RBMS3: variants seen among roughly 807,000 people sequenced by gnomAD.
The protein encoded by RBMS3 is RNA binding motif single stranded interacting protein 3, also known as RNA-binding motif, single-stranded-interacting protein 3.
A neutral mutation model predicts 66.8 loss-of-function variants in RBMS3; 27 were observed. The ratio of observed to expected loss-of-function variants is 0.40; its 90% CI spans 0.30 to 0.56. The LOEUF (loss-of-function observed/expected upper bound fraction) is 0.56, where lower values mean the gene tolerates loss of function less well. Among genes scored for constraint, RBMS3 ranks in the 20% least tolerant of loss-of-function variants. The pLI is 0.40. For missense variants in RBMS3, 513 were observed against 549.5 expected (o/e 0.93, Z 0.66); for synonymous variants, 188 against 183.0 (o/e 1.03, Z -0.22).
At chr3:29,803,537 A>G (rs1389155995) in intron 6 of RBMS3, among the ~76,000 whole-genome samples, 1 of 152,136 alleles carries the variant, frequency 6.6e-6, no homozygotes. Context: ...ACCTTAATAT[A>G]GTCACAGTTT....
At chr3:29,493,857 G>C (rs1392346822) in intron 3 of RBMS3, among the ~76,000 whole-genome samples, 1 of 152,050 alleles carries the variant, frequency 6.6e-6, no homozygotes, top group African/African-American at 2.4e-5. Context: ...GCTTTATTTA[G>C]GAAAGAAATT....
intron 1 of RBMS3, among the ~76,000 whole-genome samples, chr3:29,299,232 G>A (rs944278720): frequency 8.6e-5 from 13 of 151,966 alleles, no homozygotes; most frequent in East Asian, 2.0e-4. Context: ...ATACAGGCAC[G>A]AGATTGGAAT....
At chr3:29,912,412 T>C (rs1254764427) in intron 10 of RBMS3, among the ~76,000 whole-genome samples, 1 of 152,116 alleles carries the variant, frequency 6.6e-6, no homozygotes, top group Non-Finnish European at 1.5e-5. Context: ...ATGCTAATAT[T>C]AAATTTGTCT....
chr3:29,572,449 C>T (rs958478021), intron 3 of RBMS3, among the ~76,000 whole-genome samples: 1 of 152,078 alleles, frequency 6.6e-6, no homozygotes, highest in East Asian at 1.9e-4. Context: ...CTGTCTATAC[C>T]TAGTTTTTTG....
intron 6 of RBMS3, among the ~76,000 whole-genome samples, chr3:29,773,636 C>T (rs529857518): frequency 7.2e-4 from 109 of 150,634 alleles, no homozygotes; most frequent in Admixed American, 2.1e-3. Context: ...GGAGTGTTTG[C>T]CCGTGGCCAT....
intron 6 of RBMS3, among the ~76,000 whole-genome samples, chr3:29,859,701 G>A (rs1453996101): frequency 6.6e-6 from 1 of 152,176 alleles, no homozygotes; most frequent in Middle Eastern, 3.2e-3. Flanking sequence ...AGGATGCTAA[G>A]AGTCAAAAGA....
intron 1 of RBMS3, among the ~76,000 whole-genome samples, chr3:29,324,897 TA>T (rs1029403073): frequency 3.3e-5 from 5 of 152,114 alleles, no homozygotes; most frequent in Non-Finnish European, 5.9e-5. Context: ...TCCCCACTGT[TA>T]TTTTTTTTTC....
At chr3:29,432,452 G>A (rs796848651) in intron 1 of RBMS3, among the ~76,000 whole-genome samples, 6 of 152,328 alleles carry the variant, frequency 3.9e-5, no homozygotes, top group African/African-American at 1.4e-4. Flanking sequence ...CCTGGAAGGT[G>A]TAAAACAGAT....
At chr3:29,389,317 T>A (rs2039172119) in intron 1 of RBMS3, among the ~76,000 whole-genome samples, 1 of 152,194 alleles carries the variant, frequency 6.6e-6, no homozygotes, top group Non-Finnish European at 1.5e-5. Context: ...AAGGTAAGTT[T>A]ATAAACTTAA....
chr3:29,713,601 C>T (rs2053262803), intron 4 of RBMS3, among the ~76,000 whole-genome samples: 2 of 152,098 alleles, frequency 1.3e-5, no homozygotes, highest in Admixed American at 1.3e-4. Flanking sequence ...TTCTCTAGTC[C>T]TGCCTCTCCA....
intron 12 of RBMS3, among the ~76,000 whole-genome samples, chr3:29,980,011 A>C (rs1697874987): frequency 6.6e-6 from 1 of 152,208 alleles, no homozygotes. Context: ...GAATTGCCAC[A>C]CTGTCTTCCG....
At chr3:29,509,760 GT>G (rs1291842286) in intron 3 of RBMS3, among the ~76,000 whole-genome samples, 1 of 152,194 alleles carries the variant, frequency 6.6e-6, no homozygotes, top group Non-Finnish European at 1.5e-5. Flanking sequence ...TGTATAATCA[GT>G]GATTTTTCTT....
At chr3:29,306,936 A>G (rs1400330210) in intron 1 of RBMS3, among the ~76,000 whole-genome samples, 1 of 151,926 alleles carries the variant, frequency 6.6e-6, no homozygotes, top group Non-Finnish European at 1.5e-5. Context: ...TGTGGACCCC[A>G]TAGCACATAA....
chr3:29,984,489 G>A (rs539594234), intron 12 of RBMS3, among the ~76,000 whole-genome samples: 2 of 151,948 alleles, frequency 1.3e-5, no homozygotes, highest in Admixed American at 1.3e-4. Context: ...AAGGAGAAGA[G>A]GCATTCTGGT....
rs138387103 is a variant in RBMS3, at chr3:29,820,565, C to T, written c.638-48293C>T. ...AAGGATAGTGTTCATTTTATTCAAACTTAGCTATTTATAAACTCAGAATAC... is the reference window on the plus strand; with the variant it reads ...AAGGATAGTGTTCATTTTATTCAAATTTAGCTATTTATAAACTCAGAATAC... On this transcript the variant is annotated intron_variant, in intron 6 of 14. Transcript: ENST00000383767. 6.9e-3 allele frequency among the ~76,000 whole-genome samples: 1,046 copies of T among 152,206 alleles called. 9 individuals are homozygous for T. The highest frequency in any genetic ancestry group is 0.024 in the African/African-American group (997 of 41,526).
At chr3:29,392,942 C>T (rs1453145138) in intron 1 of RBMS3, among the ~76,000 whole-genome samples, 1 of 152,004 alleles carries the variant, frequency 6.6e-6, no homozygotes. Flanking sequence ...TTATCTTCTC[C>T]CTGTTACAAT....
rs139326942 is a variant in RBMS3 at position 29,707,496 on chromosome 3, G to A, written c.400-32224G>A. Among the ~76,000 whole-genome samples, 110 of 152,254 alleles carry A rather than the reference G, an allele frequency of 7.2e-4. 1 individual carries two copies. In the South Asian group the frequency reaches 9.5e-3, roughly 13 times the overall value. ...GTTAACATGATTTTTCTTAAGTGTA[G>A]CAATGGGTTATCACCGTCTTTACTA... On this transcript the variant is annotated intron_variant, in intron 4 of 14. Transcript: ENST00000383767.
intron 4 of RBMS3, chr3:29,697,159 T>A (rs1209241450): frequency 1.1e-6 from 1 of 939,072 alleles, no homozygotes; most frequent in African/African-American, 1.8e-5. Flanking sequence ...TGGATCTAAG[T>A]TTGGGAAAAT....
At chr3:29,853,544 T>C (rs2058994639) in intron 6 of RBMS3, among the ~76,000 whole-genome samples, 2 of 150,886 alleles carry the variant, frequency 1.3e-5, no homozygotes, top group South Asian at 4.2e-4. Context: ...TGGGTTTATA[T>C]CCTGATCATT....
Sources: allele counts gnomAD v4.1 joint callset (sites outside exome capture counted in the v4.1 genomes callset), GRCh38; gene constraint gnomAD v4.1.1; transcripts MANE v1.5; gene names NCBI Gene and HGNC (gene_info 2026-07-23, HGNC 2026-07-21).